LUC7L2: variants seen among roughly 807,000 people sequenced by gnomAD.
LUC7L2 encodes LUC7 like 2, pre-mRNA splicing factor.
Under a neutral mutation model 52.8 loss-of-function variants are expected in LUC7L2, and 25 were observed. The observed-to-expected ratio is 0.47, with a 90% CI of 0.34 to 0.66. The LOEUF (loss-of-function observed/expected upper bound fraction) is 0.66, where lower values mean the gene tolerates loss of function less well. Among genes scored for constraint, LUC7L2 ranks in the 30% least tolerant of loss-of-function variants. The pLI is 0.01. For synonymous variants in LUC7L2, 144 were observed against 160.9 expected (o/e 0.89, Z 0.80); for missense variants, 328 against 497.8 (o/e 0.66, Z 3.25).
intron 1 of LUC7L2, among the ~76,000 whole-genome samples, chr7:139,349,435 G>C (rs945167533): frequency 6.6e-6 from 1 of 152,146 alleles, no homozygotes; most frequent in Non-Finnish European, 1.5e-5. Flanking sequence ...TGAAGTCGGT[G>C]TTAGAAAGAA....
At chr7:139,358,101 G>A (rs182956605), upstream of LUC7L2, among the ~76,000 whole-genome samples, 168 of 152,104 alleles carry the variant, frequency 1.1e-3, 4 homozygotes, top group African/African-American at 3.6e-3. Context: ...TCCACTTCCC[G>A]GGTTCAAGTG....
Position 139,417,566 on chromosome 7 carries a change from CG to C in LUC7L2, c.839del (p.Arg280HisfsTer66). On this transcript the variant is annotated frameshift_variant, in exon 9 of 10. Transcript: ENST00000354926. LOFTEE classifies it high-confidence loss of function. ...CAGGTCCAGAGAGCATCGCAGACAT[CG>C]ATCTCGCTCCATGTCACGTGAACGC... ...RSRSREHRRHRSRSMSRERKR... is the reference protein window; with the variant it reads ...RSRSREHRRHXSRSMSRERKR... 6.2e-7 allele frequency: 1 copy of C among 1,614,082 alleles called. No individual in the cohort carries two copies. Among genetic ancestry groups the C allele is most frequent in the Non-Finnish European group, 8.5e-7 (1 of 1,180,010 alleles).
chr7:139,360,324 T>G lies in LUC7L2; in HGVS notation c.61+2T>G. ...AGTTGATGGGCACCTCCCGGGACGG[T>G]AAGTCTCTGCCAGGGCCCTGGGGGT... On this transcript the variant is annotated splice_donor_variant, in intron 1 of 9. Coordinates refer to ENST00000354926, the MANE Select transcript of LUC7L2 (RefSeq NM_016019.5). LOFTEE classifies it high-confidence loss of function. 1 of 1,563,666 alleles carries G rather than the reference T, an allele frequency of 6.4e-7. No individual in the cohort carries two copies. The highest frequency in any genetic ancestry group is 8.7e-7 in the Non-Finnish European group (1 of 1,155,082).
rs757913010 is a variant in LUC7L2 at position 139,376,185 on chromosome 7, TTACTGA to T, written c.156+32_156+37del. ...TGTATTTACTAAATGTATTGTTAGATTACTGATATGCTGCAGTAATGAACTACTTGA... is the reference window on the plus strand; with the variant it reads ...TGTATTTACTAAATGTATTGTTAGATTATGCTGCAGTAATGAACTACTTGA... On this transcript the variant is annotated intron_variant, in intron 2 of 9. Transcript: ENST00000354926. The T allele has an allele frequency of 3.7e-6, 6 of 1,607,928 alleles. No homozygotes were observed. The Middle Eastern group carries it at 5.0e-4, about 135-fold the overall frequency.
intron 1 of LUC7L2, among the ~76,000 whole-genome samples, chr7:139,350,970 G>C (rs759135636): frequency 3.3e-5 from 5 of 152,086 alleles, no homozygotes; most frequent in Admixed American, 6.5e-5. Flanking sequence ...CACTGCGCCT[G>C]GCCCACATTC....
At chr7:139,354,486 G>A (rs1044667684) in intron 1 of LUC7L2, among the ~76,000 whole-genome samples, 16 of 152,030 alleles carry the variant, frequency 1.1e-4, no homozygotes, top group African/African-American at 3.1e-4. Flanking sequence ...CTCAGCCTCC[G>A]GAGTAGCTGG....
intron 4 of LUC7L2, among the ~76,000 whole-genome samples, chr7:139,405,049 A>T (rs1795060449): frequency 6.6e-6 from 1 of 152,260 alleles, no homozygotes; most frequent in African/African-American, 2.4e-5. Context: ...TATGATATTT[A>T]TGAAAGGAAC....
At chr7:139,370,016 T>A (rs1800361103) in intron 1 of LUC7L2, among the ~76,000 whole-genome samples, 1 of 152,240 alleles carries the variant, frequency 6.6e-6, no homozygotes, top group Non-Finnish European at 1.5e-5. Flanking sequence ...CCCGTTGCCA[T>A]CTTTGGCATA....
chr7:139,387,961 A>T (rs1794276582), intron 2 of LUC7L2, among the ~76,000 whole-genome samples: 1 of 151,284 alleles, frequency 6.6e-6, no homozygotes, highest in Non-Finnish European at 1.5e-5. Flanking sequence ...TTGTCGTCTC[A>T]CTCCTTTCTT....
chr7:139,385,616 C>T (rs1794163102), intron 2 of LUC7L2, among the ~76,000 whole-genome samples: 1 of 152,144 alleles, frequency 6.6e-6, no homozygotes, highest in South Asian at 2.1e-4. Flanking sequence ...CAACTGTACC[C>T]AGCTGTAAGA....
intron 2 of LUC7L2, among the ~76,000 whole-genome samples, chr7:139,386,037 G>A (rs1467316630): frequency 6.6e-6 from 1 of 152,000 alleles, no homozygotes; most frequent in African/African-American, 2.4e-5. Flanking sequence ...GAGTCTTGAT[G>A]TGTCTCCCAG....
chr7:139,409,699 T>C (rs1223093807), intron 7 of LUC7L2, 45 bp downstream of exon 7: 1 of 1,527,872 alleles, frequency 6.5e-7, no homozygotes, highest in Non-Finnish European at 8.8e-7. Flanking sequence ...TCTCTGTGGT[T>C]CTAAAAAGAG....
At chr7:139,396,758 C>T (rs1478924094) in intron 2 of LUC7L2, among the ~76,000 whole-genome samples, 1 of 152,122 alleles carries the variant, frequency 6.6e-6, no homozygotes, top group Admixed American at 6.6e-5. Flanking sequence ...ATACTGTGTC[C>T]TCTTTGAGTT....
intron 2 of LUC7L2, among the ~76,000 whole-genome samples, chr7:139,386,160 G>A (rs957459302): frequency 4.0e-5 from 6 of 151,424 alleles, no homozygotes; most frequent in African/African-American, 9.7e-5. Flanking sequence ...CCACCACCAC[G>A]CCTGGCTAAT....
chr7:139,348,695 G>T (rs961209363), intron 1 of LUC7L2, among the ~76,000 whole-genome samples: 41 of 151,926 alleles, frequency 2.7e-4, no homozygotes, highest in Admixed American at 1.0e-3. Flanking sequence ...CTCAAGCCTG[G>T]TGACAGAGCG....
At chr7:139,345,723 G>A (rs760338623) in intron 1 of LUC7L2, 1 of 1,609,374 alleles carries the variant, frequency 6.2e-7, no homozygotes, top group African/African-American at 1.3e-5. Context: ...AATATCCTTG[G>A]ATGCTGCATT....
At chr7:139,360,863 C>T (rs1428477984) in intron 1 of LUC7L2, among the ~76,000 whole-genome samples, 1 of 152,170 alleles carries the variant, frequency 6.6e-6, no homozygotes, top group Non-Finnish European at 1.5e-5. Flanking sequence ...GAAAATCTGA[C>T]CCAAACCATG....
At chr7:139,411,055 T>C (rs1244015011) in intron 7 of LUC7L2, among the ~76,000 whole-genome samples, 21 of 152,198 alleles carry the variant, frequency 1.4e-4, no homozygotes, top group Non-Finnish European at 2.8e-4. Context: ...TATTCTAATA[T>C]ATAAGTGGAA....
chr7:139,381,323 AGTTC>A (rs1801003612), intron 2 of LUC7L2, among the ~76,000 whole-genome samples: 1 of 151,954 alleles, frequency 6.6e-6, no homozygotes, highest in Admixed American at 6.6e-5. Flanking sequence ...GGAGTAGGCT[AGTTC>A]GTTCTATTTC....
Sources: gnomAD v4.1 joint callset for allele counts (sites outside exome capture counted in the v4.1 genomes callset) on GRCh38, gnomAD v4.1.1 for gene constraint, MANE v1.5 for transcripts, NCBI Gene and HGNC (gene_info 2026-07-23, HGNC 2026-07-21) for gene names.